Variants in F2RL1 observed in about 807,000 individuals in gnomAD.
The protein encoded by F2RL1 is proteinase-activated receptor 2.
A neutral mutation model predicts 21.7 loss-of-function variants in F2RL1; 16 were observed. The ratio of observed to expected loss-of-function variants is 0.74; its 90% confidence interval spans 0.50 to 1.12. F2RL1 has a LOEUF of 1.12. Ranked by LOEUF, F2RL1 falls within the 50% of genes most tolerant of loss-of-function variation. The probability of loss-of-function intolerance (pLI) is 0.00; values close to 1 mark genes in which losing one functional copy is unlikely to be tolerated. For synonymous variants in F2RL1, 181 were observed against 186.7 expected, an observed-to-expected ratio of 0.97 and a Z score of 0.25; for missense variants, 432 against 477.8, an observed-to-expected ratio of 0.90 and a Z score of 0.89.
chr5:76,833,668 A>T lies in F2RL1; in HGVS notation c.1061A>T (p.His354Leu). 1 of 1,614,056 alleles carries T rather than the reference A, an allele frequency of 6.2e-7. No individual in the cohort carries two copies. The highest frequency in any genetic ancestry group is 8.5e-7 in the Non-Finnish European group (1 of 1,180,028). ...YYFVSHDFRDHAKNALLCRSV... is the reference protein window; with the variant it reads ...YYFVSHDFRDLAKNALLCRSV... ...TTTGTTTCACATGATTTCAGGGATC[A>T]TGCAAAGAACGCTCTCCTTTGCCGA... Residue 354 changes from histidine (H) to leucine (L), a missense_variant, in exon 2 of 2, where the codon CAT (histidine) becomes CTT (leucine). Physicochemically the swap from His to Leu is moderately conservative, Grantham distance 99. Transcript: ENST00000296677.
chr5:76,828,321 G>C (rs1314247824), intron 1 of F2RL1, among the ~76,000 whole-genome samples: 1 of 152,088 alleles, frequency 6.6e-6, no homozygotes, highest in Non-Finnish European at 1.5e-5. Flanking sequence ...AATTCCTGTG[G>C]TTGTGAAATA....
rs918738342 is a variant in F2RL1, at chr5:76,834,266, G to T, written c.*465G>T. 2.6e-5 allele frequency: 4 copies of T among 152,874 alleles called. No individual in the cohort carries two copies. Among genetic ancestry groups the T allele is most frequent in the African/African-American group, 9.6e-5 (4 of 41,458 alleles). The allele number at this position is 152,874 out of a possible 1,614,324, so 9.5% of individuals were successfully genotyped here. On this transcript the variant is annotated 3_prime_UTR_variant, in exon 2 of 2. Coordinates refer to ENST00000296677, the MANE Select transcript of F2RL1 (RefSeq NM_005242.6). ...AAGATAAATGAGCTGCCAGAATCAG[G>T]TTTCCAATCAACAGCAGTGAGTTGG... is the stretch of plus-strand genomic sequence containing the variant.
chr5:76,828,272 C>T (rs1439366778), intron 1 of F2RL1, among the ~76,000 whole-genome samples: 1 of 152,048 alleles, frequency 6.6e-6, no homozygotes, highest in African/African-American at 2.4e-5. Flanking sequence ...CCCAGCCGTG[C>T]ACCAGTTCGT....
Position 76,833,314 on chromosome 5 carries a change from T to C in F2RL1, c.707T>C (p.Val236Ala). 1 of 1,614,026 alleles carries C rather than the reference T, an allele frequency of 6.2e-7. No individual in the cohort carries two copies. The highest frequency in any genetic ancestry group is 1.6e-4 in the Middle Eastern group (1 of 6,062). ...GATGTTTTGCCTGAGCAGCTCTTGG[T>C]GGGAGACATGTTCAATTACTTCCTC... ...CHDVLPEQLL[V>A]GDMFNYFLSL... The change falls in exon 2 of 2, where the codon GTG becomes GCG. Residue 236 changes from valine to alanine, a missense_variant. Physicochemically the swap from Val to Ala is moderately conservative, Grantham distance 64 (BLOSUM62 0). Transcript: ENST00000296677.
rs541081829 is a variant in F2RL1 at position 76,826,104 on chromosome 5, C to T, written c.83-6586C>T. 2.6e-5 allele frequency among the ~76,000 whole-genome samples: 4 copies of T among 152,206 alleles called. No homozygotes were observed. The East Asian group carries it at 7.7e-4, about 29-fold the overall frequency. On this transcript the variant is annotated intron_variant, in intron 1 of 1. Transcript: ENST00000296677. ...ATCTTGTTTCATCTATTCCCAAACT[C>T]ACCTCCCACTCCTCTTCCCTGTTAT...
chr5:76,824,072 A>G (rs895075329), intron 1 of F2RL1, among the ~76,000 whole-genome samples: 1 of 151,730 alleles, frequency 6.6e-6, no homozygotes, highest in Non-Finnish European at 1.5e-5. Flanking sequence ...TCGGCCTCCC[A>G]AAGTGCTGGG....
intron 1 of F2RL1, among the ~76,000 whole-genome samples, chr5:76,823,370 G>GTTT (rs70982642): frequency 4.8e-5 from 6 of 125,996 alleles, no homozygotes; most frequent in Non-Finnish European, 6.5e-5. Flanking sequence ...TGGTTGGTTG[G>GTTT]TTTTTTTTTT....
rs1383282847 is a variant in F2RL1, at chr5:76,819,062, A to G, written c.-121A>G. On this transcript the variant is annotated 5_prime_UTR_variant, in exon 1 of 2. Coordinates refer to ENST00000296677, the MANE Select transcript of F2RL1 (RefSeq NM_005242.6). Reference sequence around the variant, plus strand: ...AACCCGCCCTGGGGAGGCGCGCAGCAGAGGCTCCGATTCGGGGCAGGTGAG... The same window carrying G: ...AACCCGCCCTGGGGAGGCGCGCAGCGGAGGCTCCGATTCGGGGCAGGTGAG... 11 of 779,690 alleles carry G rather than the reference A, an allele frequency of 1.4e-5. No homozygotes were observed. Among genetic ancestry groups the G allele is most frequent in the African/African-American group, 7.1e-5 (4 of 56,412 alleles). 48.3% of individuals were successfully genotyped at this position (779,690 alleles called of 1,614,324 possible).
rs767709074 is a variant in F2RL1 at position 76,833,715 on chromosome 5, A to G, written c.1108A>G (p.Met370Val). Residue 370 changes from methionine (M) to valine (V), a missense_variant, in exon 2 of 2, where the codon ATG becomes GTG. Coordinates refer to ENST00000296677, the MANE Select transcript of F2RL1 (RefSeq NM_005242.6). ...CCGAAGTGTCCGCACTGTAAAGCAG[A>G]TGCAAGTATCCCTCACCTCAAAGAA... ...LCRSVRTVKQ[M>V]QVSLTSKKHS... 3 of 1,613,946 alleles carry G rather than the reference A, an allele frequency of 1.9e-6. No individual in the cohort carries two copies. The highest frequency in any genetic ancestry group is 1.3e-5 in the African/African-American group (1 of 74,896).
chr5:76,831,480 C>T (rs971795926), intron 1 of F2RL1, among the ~76,000 whole-genome samples: 37 of 150,716 alleles, frequency 2.5e-4, no homozygotes, highest in African/African-American at 8.1e-4. Flanking sequence ...GGATGGGGAT[C>T]GCTATTTTAC....
chr5:76,823,374 T>G (rs1404345019), intron 1 of F2RL1, among the ~76,000 whole-genome samples: 3 of 148,852 alleles, frequency 2.0e-5, no homozygotes, highest in Admixed American at 6.6e-5. Context: ...TGGTTGGTTT[T>G]TTTTTTTTTT....
Position 76,832,933 on chromosome 5 carries a change from C to T in F2RL1, c.326C>T (p.Pro109Leu). 6.2e-7 allele frequency: 1 copy of T among 1,614,204 alleles called. No individual in the cohort carries two copies. The highest frequency in any genetic ancestry group is 8.5e-7 in the Non-Finnish European group (1 of 1,180,042). Residue 109 changes from proline (P) to leucine (L), a missense_variant, in exon 2 of 2, where the codon CCT becomes CTT. Transcript: ENST00000296677. ...VFLFRTKKKHPAVIYMANLAL... is the reference protein window; with the variant it reads ...VFLFRTKKKHLAVIYMANLAL... ...CTTTTCCGAACTAAGAAGAAGCACC[C>T]TGCTGTGATTTACATGGCCAATCTG... is the stretch of plus-strand genomic sequence containing the variant.
At position 76,832,808 on chromosome 5, in the gene F2RL1, T is replaced by G. The variant is rs752228507; in HGVS notation, c.201T>G (p.Ser67=). The part of the protein sequence containing the change: ...TVFSVDEFSA[S]VLTGKLTTVF... Reference sequence around the variant, plus strand: ...TTTCTGTGGATGAGTTTTCTGCATCTGTCCTCACTGGAAAACTGACCACTG... The same window carrying G: ...TTTCTGTGGATGAGTTTTCTGCATCGGTCCTCACTGGAAAACTGACCACTG... The change falls in exon 2 of 2, where the codon TCT becomes TCG. Residue 67 remains serine (S), a synonymous_variant. Coordinates refer to ENST00000296677, the MANE Select transcript of F2RL1 (RefSeq NM_005242.6). The G allele has an allele frequency of 2.5e-6, 4 of 1,614,264 alleles. No homozygotes were observed. In the South Asian group the frequency reaches 4.4e-5, roughly 18 times the overall value.
intron 1 of F2RL1, among the ~76,000 whole-genome samples, chr5:76,827,937 T>C (rs1211915490): frequency 6.6e-6 from 1 of 152,118 alleles, no homozygotes; most frequent in Non-Finnish European, 1.5e-5. Flanking sequence ...TGCCAGATAA[T>C]TTCCCACAAT....
rs1402378873 is a variant in F2RL1 at position 76,832,852 on chromosome 5, A to G, written c.245A>G (p.Tyr82Cys). The G allele has an allele frequency of 2.5e-6, 4 of 1,614,078 alleles. No individual in the cohort carries two copies. The East Asian group carries it at 6.7e-5, about 27-fold the overall frequency. ...KLTTVFLPIV[Y>C]TIVFVVGLPS... ...ACCACTGTCTTCCTTCCAATTGTCTACACAATTGTGTTTGTGGTGGGTTTG... is the reference window on the plus strand; with the variant it reads ...ACCACTGTCTTCCTTCCAATTGTCTGCACAATTGTGTTTGTGGTGGGTTTG... The change falls in exon 2 of 2, where the codon TAC (tyrosine) becomes TGC (cysteine). Residue 82 changes from tyrosine (Y) to cysteine (C), a missense_variant. Physicochemically the swap from Tyr to Cys is radical, Grantham distance 194 (BLOSUM62 -2). Coordinates refer to ENST00000296677, the MANE Select transcript of F2RL1 (RefSeq NM_005242.6).
chr5:76,820,341 A>G (rs969953627), intron 1 of F2RL1, among the ~76,000 whole-genome samples: 5 of 152,156 alleles, frequency 3.3e-5, no homozygotes, highest in African/African-American at 1.2e-4. Flanking sequence ...TCCCTCAGAA[A>G]TGCGCATTTC....
chr5:76,833,010 CA>C lies in F2RL1; in HGVS notation c.404del (p.His135ProfsTer32). 1.2e-6 allele frequency: 2 copies of C among 1,614,184 alleles called. No homozygotes were observed. Among genetic ancestry groups the C allele is most frequent in the Non-Finnish European group, 1.7e-6 (2 of 1,179,998 alleles). ...VIWFPLKIAY[H>X]IHGNNWIYGE... ...CTGGTTCCCCTTGAAGATTGCCTAT[CA>C]CATACATGGCAACAACTGGATTTAT... On this transcript the variant is annotated frameshift_variant, in exon 2 of 2. Transcript: ENST00000296677. LOFTEE classifies it high-confidence loss of function.
At chr5:76,826,678 G>A (rs931473098) in intron 1 of F2RL1, among the ~76,000 whole-genome samples, 1 of 151,690 alleles carries the variant, frequency 6.6e-6, no homozygotes, top group South Asian at 2.1e-4. Flanking sequence ...GCTAATTTTT[G>A]TATTTTTAGT....
chr5:76,827,207 C>T (rs1349172515), intron 1 of F2RL1, among the ~76,000 whole-genome samples: 6 of 150,162 alleles, frequency 4.0e-5, no homozygotes, highest in Non-Finnish European at 5.9e-5. Flanking sequence ...TATGGCTGGG[C>T]GTGGTGGCTC....
Sources: allele counts gnomAD v4.1 joint callset (sites outside exome capture counted in the v4.1 genomes callset), GRCh38; gene constraint gnomAD v4.1.1; transcripts MANE v1.5; gene names NCBI Gene and HGNC (gene_info 2026-07-23, HGNC 2026-07-21).